The following P2RY12 variants were observed in gnomAD, a reference collection of about 807,000 sequenced individuals.
The protein encoded by P2RY12 is P2Y purinoceptor 12.
Under a neutral mutation model 4.5 loss-of-function variants are expected in P2RY12, and 3 were observed. The observed-to-expected ratio is 0.67, with a 90% CI of 0.31 to 1.74. P2RY12 has a LOEUF of 1.74. Ranked by LOEUF, P2RY12 falls within the 40% of genes most tolerant of loss-of-function variation. The probability of loss-of-function intolerance (pLI) is 0.09; values close to 1 mark genes in which losing one functional copy is unlikely to be tolerated. For synonymous variants in P2RY12, 148 were observed against 154.1 expected, an observed-to-expected ratio of 0.96 and a Z score of 0.29; for missense variants, 356 against 407.8, an observed-to-expected ratio of 0.87 and a Z score of 1.09.
chr3:151,338,787 T>C lies in P2RY12; in HGVS notation c.59A>G (p.Asp20Gly). The change falls in exon 3 of 3, where the codon GAC becomes GGC. Residue 20 changes from aspartate to glycine, a missense_variant. Transcript: ENST00000302632. ...GAAGAGGACCTGGGTGATTTTGTAG[T>C]CTCTGGTGCACAGACTGGTGTTACC... is the stretch of plus-strand genomic sequence containing the variant. ...APGNTSLCTRDYKITQVLFPL... is the reference protein window; with the variant it reads ...APGNTSLCTRGYKITQVLFPL... 1 of 1,613,902 alleles carries C rather than the reference T, an allele frequency of 6.2e-7. No individual in the cohort carries two copies.
chr3:151,368,553 T>C (rs1450025659), intron 1 of P2RY12, among the ~76,000 whole-genome samples: 2 of 152,066 alleles, frequency 1.3e-5, no homozygotes, highest in African/African-American at 2.4e-5. Context: ...GTGTTGGTTC[T>C]GAACCACATC....
In P2RY12 at chr3:151,337,703, A is replaced by G. The variant is rs1349206609; in HGVS notation, c.*114T>C. 1.9e-6 allele frequency: 2 copies of G among 1,038,102 alleles called. No individual in the cohort carries two copies. Among genetic ancestry groups the G allele is most frequent in the African/African-American group, 1.6e-5 (1 of 62,234 alleles). The allele number at this position is 1,038,102 out of a possible 1,614,324, so 64.3% of individuals were successfully genotyped here. A position where few individuals can be genotyped will look rare whatever the true frequency, so the allele number is the denominator to read the frequency against. On this transcript the variant is annotated 3_prime_UTR_variant, in exon 3 of 3. Coordinates refer to ENST00000302632, the MANE Select transcript of P2RY12 (RefSeq NM_022788.5). ...TGCTTTTGTAATCTTCTGTTTCTTT[A>G]GAGTCATTATTATTAACTTAGTTGC...
At position 151,371,183 on chromosome 3, in the gene P2RY12, C is replaced by G. The variant is rs141844667; in HGVS notation, c.-180+13509G>C. Among the ~76,000 whole-genome samples, 211 of 152,260 alleles carry G rather than the reference C, an allele frequency of 1.4e-3. 2 individuals carry two copies. The highest frequency in any genetic ancestry group is 4.6e-3 in the African/African-American group (193 of 41,558). ...TTCTCTTTTCTTATTTGCAGAAGCT[C>G]TAATTTATCCACCCTACCATGCCCT... On this transcript the variant is annotated intron_variant, in intron 1 of 2. Coordinates refer to ENST00000302632, the MANE Select transcript of P2RY12 (RefSeq NM_022788.5).
intron 1 of P2RY12, chr3:151,355,280 TA>T (rs764832410): frequency 1.3e-5 from 19 of 1,414,826 alleles, no homozygotes; most frequent in Non-Finnish European, 1.8e-5. Context: ...TGCAGTATTC[TA>T]ATTTACTTAA....
At chr3:151,378,936 A>G (rs920781078) in intron 1 of P2RY12, among the ~76,000 whole-genome samples, 1 of 152,248 alleles carries the variant, frequency 6.6e-6, no homozygotes, top group Admixed American at 6.5e-5. Flanking sequence ...TATAGCAATC[A>G]TGTGGTAGGT....
At chr3:151,355,562 T>C (rs1170663203) in intron 1 of P2RY12, among the ~76,000 whole-genome samples, 1 of 152,192 alleles carries the variant, frequency 6.6e-6, no homozygotes, top group South Asian at 2.1e-4. Flanking sequence ...AATAAAATAC[T>C]ACGACATTGA....
chr3:151,371,267 T>C (rs776735382), intron 1 of P2RY12, among the ~76,000 whole-genome samples: 2 of 152,184 alleles, frequency 1.3e-5, no homozygotes, highest in Non-Finnish European at 2.9e-5. Context: ...ATGGGACCAT[T>C]ATATCAAATT....
At position 151,366,078 on chromosome 3, in the gene P2RY12, A is replaced by G. The variant is rs574150771; in HGVS notation, c.-180+18614T>C. 3.6e-5 allele frequency: 42 copies of G among 1,153,612 alleles called. No individual in the cohort carries two copies. The East Asian group carries it at 1.0e-3, about 29-fold the overall frequency. The allele number at this position is 1,153,612 out of a possible 1,614,324, so 71.5% of individuals were successfully genotyped here. ...TCTTTTTGCTTTTGGCTTTTATTTAATTGATTCAACTGAAATGTTATAAAA... is the reference window on the plus strand; with the variant it reads ...TCTTTTTGCTTTTGGCTTTTATTTAGTTGATTCAACTGAAATGTTATAAAA... On this transcript the variant is annotated intron_variant, in intron 1 of 2. Coordinates refer to ENST00000302632, the MANE Select transcript of P2RY12 (RefSeq NM_022788.5).
intron 1 of P2RY12, chr3:151,376,028 A>G: frequency 1.3e-6 from 2 of 1,541,636 alleles, no homozygotes; most frequent in Non-Finnish European, 1.7e-6. Context: ...ATTTTTAGGA[A>G]TGGGTAGGAG....
chr3:151,356,125 C>T, intron 1 of P2RY12: 1 of 1,365,918 alleles, frequency 7.3e-7, no homozygotes, highest in Non-Finnish European at 1.0e-6. Flanking sequence ...ATTAGCTGGG[C>T]ACAGTGGCTT....
intron 1 of P2RY12, among the ~76,000 whole-genome samples, chr3:151,344,639 A>T (rs1282458035): frequency 2.0e-5 from 3 of 152,238 alleles, no homozygotes; most frequent in Non-Finnish European, 4.4e-5. Context: ...GAAGTAGAGC[A>T]TGCAAAAATT....
At chr3:151,362,546 A>C (rs562888292) in intron 1 of P2RY12, among the ~76,000 whole-genome samples, 1 of 151,972 alleles carries the variant, frequency 6.6e-6, no homozygotes, top group African/African-American at 2.4e-5. Flanking sequence ...TAGCACCCCC[A>C]TGTCATCATT....
At chr3:151,357,407 C>A in intron 1 of P2RY12, 1 of 1,531,602 alleles carries the variant, frequency 6.5e-7, no homozygotes, top group Non-Finnish European at 8.8e-7. Flanking sequence ...TGTTGTTTTT[C>A]CAATCTCAGA....
At chr3:151,348,445 C>T (rs1189345854) in intron 1 of P2RY12, among the ~76,000 whole-genome samples, 4 of 151,892 alleles carry the variant, frequency 2.6e-5, no homozygotes, top group African/African-American at 9.7e-5. Context: ...TTCAGATGCG[C>T]AGCCAGCTCT....
Position 151,360,682 on chromosome 3 carries a change from CT to C in P2RY12, c.-179-19923del. 2.2e-6 allele frequency: 3 copies of C among 1,337,194 alleles called. No homozygotes were observed. In the South Asian group the frequency reaches 4.1e-5, roughly 18 times the overall value. The allele number at this position is 1,337,194 out of a possible 1,614,324, so 82.8% of individuals were successfully genotyped here. Reference sequence around the variant, plus strand: ...TAGTGACCCTGACAATATTGTCATCCTTTTGAATAATGAAAGCTAATTGCAA... The same window carrying C: ...TAGTGACCCTGACAATATTGTCATCCTTTGAATAATGAAAGCTAATTGCAA... On this transcript the variant is annotated intron_variant, in intron 1 of 2. Transcript: ENST00000302632.
intron 1 of P2RY12, among the ~76,000 whole-genome samples, chr3:151,350,892 A>G (rs1451496877): frequency 6.6e-6 from 1 of 152,160 alleles, no homozygotes; most frequent in Non-Finnish European, 1.5e-5. Context: ...TATCCACTTC[A>G]CGTTTGCCTA....
At chr3:151,347,784 T>C (rs1263010725) in intron 1 of P2RY12, among the ~76,000 whole-genome samples, 1 of 152,130 alleles carries the variant, frequency 6.6e-6, no homozygotes, top group African/African-American at 2.4e-5. Context: ...TTATCCCAGG[T>C]TTTCTCACAA....
At chr3:151,371,020 T>A (rs879849226) in intron 1 of P2RY12, among the ~76,000 whole-genome samples, 1 of 152,212 alleles carries the variant, frequency 6.6e-6, no homozygotes, top group Non-Finnish European at 1.5e-5. Context: ...TCAAATGTAT[T>A]CTATTGTCAA....
intron 1 of P2RY12, among the ~76,000 whole-genome samples, chr3:151,370,679 A>G (rs1282244288): frequency 6.6e-6 from 1 of 152,190 alleles, no homozygotes; most frequent in East Asian, 1.9e-4. Context: ...GGTCGGTTCT[A>G]CTTAATAAAT....
Sources: gnomAD v4.1 joint callset for allele counts (sites outside exome capture counted in the v4.1 genomes callset) on GRCh38, gnomAD v4.1.1 for gene constraint, MANE v1.5 for transcripts, NCBI Gene and HGNC (gene_info 2026-07-23, HGNC 2026-07-21) for gene names.